COL27A1: variants seen among roughly 807,000 people sequenced by gnomAD.
The protein encoded by COL27A1 is collagen alpha-1(XXVII) chain.
Under a neutral mutation model 251.3 loss-of-function variants are expected in COL27A1, and 106 were observed. That is an observed-to-expected ratio of 0.42 (90% confidence interval 0.36 to 0.50). COL27A1 has a LOEUF of 0.50. Ranked by LOEUF, COL27A1 falls within the 20% of genes least tolerant of loss-of-function variation. COL27A1 has a pLI of 0.00. For synonymous variants in COL27A1, 1,000 were observed against 986.3 expected, an observed-to-expected ratio of 1.01 and a Z score of -0.26; for missense variants, 2,325 against 2,522.8, an observed-to-expected ratio of 0.92 and a Z score of 1.68.
chr9:114,231,505 A>T (rs1489915737), intron 15 of COL27A1, among the ~76,000 whole-genome samples: 3 of 152,110 alleles, frequency 2.0e-5, no homozygotes, highest in Admixed American at 1.3e-4. Context: ...GCAGGCCAAG[A>T]CTGCTAGAGC....
rs185350016 is a variant in COL27A1, at chr9:114,287,323, G to A, written c.3988-1132G>A. Among the ~76,000 whole-genome samples, 6 of 152,264 alleles carry A rather than the reference G, an allele frequency of 3.9e-5. No individual in the cohort carries two copies. In the East Asian group the frequency reaches 1.2e-3, roughly 29 times the overall value. ...CTCAGGGGTGCCTGGCTTGAGCCCT[G>A]TGCCCAGGGGAGTGACACCAGTTTC... is the stretch of plus-strand genomic sequence containing the variant. On this transcript the variant is annotated intron_variant, in intron 41 of 60. Transcript: ENST00000356083.
chr9:114,283,586 G>A (rs1836064281), intron 39 of COL27A1, 123 bp from the exon 40 acceptor site: 2 of 833,430 alleles, frequency 2.4e-6, no homozygotes, highest in Middle Eastern at 2.6e-4. Flanking sequence ...ACACACTTTG[G>A]TTATGGGCGG....
chr9:114,176,540 T>TGGGGG (rs34210707), intron 3 of COL27A1, among the ~76,000 whole-genome samples: 7 of 148,400 alleles, frequency 4.7e-5, no homozygotes, highest in South Asian at 2.3e-4. Flanking sequence ...AGTAGGTGGG[T>TGGGGG]GGGGGGGGGT....
intron 28 of COL27A1, among the ~76,000 whole-genome samples, chr9:114,261,401 G>C (rs184687183): frequency 1.3e-4 from 20 of 152,354 alleles, no homozygotes; most frequent in Admixed American, 5.2e-4. Context: ...TTCATTTAGG[G>C]AAGGAGGCAG....
chr9:114,245,535 G>A (rs1293411435), intron 23 of COL27A1, among the ~76,000 whole-genome samples: 1 of 152,148 alleles, frequency 6.6e-6, no homozygotes, highest in East Asian at 1.9e-4. Flanking sequence ...CCTCAGGCAG[G>A]TCACTTCACC....
At chr9:114,264,790 T>C in intron 29 of COL27A1, 134 bp from the exon 30 acceptor site, 1 of 948,820 alleles carries the variant, frequency 1.1e-6, no homozygotes. Flanking sequence ...AGTTTTCCCA[T>C]CTGCACCATG....
Position 114,242,696 on chromosome 9 carries a change from G to T in COL27A1, c.2880+465G>T, listed in dbSNP as rs190606657. Among the ~76,000 whole-genome samples, 442 of 152,280 alleles carry T rather than the reference G, an allele frequency of 2.9e-3. 1 individual carries two copies. The highest frequency in any genetic ancestry group is 4.8e-3 in the Non-Finnish European group (327 of 68,014). Reference sequence around the variant, plus strand: ...GCTCATGAAATTTCTGGTATCCAGAGCTTTTTACACTCTTGAAAATGATGG... The same window carrying T: ...GCTCATGAAATTTCTGGTATCCAGATCTTTTTACACTCTTGAAAATGATGG... On this transcript the variant is annotated intron_variant, in intron 22 of 60. Transcript: ENST00000356083.
At chr9:114,192,418 C>T (rs968414066) in intron 5 of COL27A1, among the ~76,000 whole-genome samples, 6 of 151,808 alleles carry the variant, frequency 4.0e-5, no homozygotes, top group South Asian at 2.1e-4. Flanking sequence ...GGAGGGTGTC[C>T]GGGAGGAGCA....
Position 114,258,391 on chromosome 9 carries a change from T to C in COL27A1, c.3142-150T>C, listed in dbSNP as rs537808915. 4.5e-6 allele frequency: 3 copies of C among 669,904 alleles called. No homozygotes were observed. The East Asian group carries it at 8.2e-5, about 18-fold the overall frequency. 41.5% of individuals were successfully genotyped at this position (669,904 alleles called of 1,614,324 possible). ...CCCAGTGAGCCAGGTGCCCAGTCCTTCCATGTGGAGGCTGCTGGGGCCCCG... is the reference window on the plus strand; with the variant it reads ...CCCAGTGAGCCAGGTGCCCAGTCCTCCCATGTGGAGGCTGCTGGGGCCCCG... On this transcript the variant is annotated intron_variant, in intron 27 of 60. Transcript: ENST00000356083.
chr9:114,189,527 C>T (rs969541613), intron 5 of COL27A1, among the ~76,000 whole-genome samples: 2 of 151,984 alleles, frequency 1.3e-5, no homozygotes, highest in Non-Finnish European at 1.5e-5. Flanking sequence ...CTTGAAAAAA[C>T]GCTTGGGATT....
chr9:114,253,240 T>C (rs141544953), intron 27 of COL27A1, among the ~76,000 whole-genome samples: 126 of 140,130 alleles, frequency 9.0e-4, no homozygotes, highest in Non-Finnish European at 1.4e-3. Context: ...GCCTGGGTGA[T>C]AGAGCTAGAC....
intron 7 of COL27A1, among the ~76,000 whole-genome samples, chr9:114,198,117 G>A (rs1401884092): frequency 6.6e-6 from 1 of 152,222 alleles, no homozygotes; most frequent in Non-Finnish European, 1.5e-5. Flanking sequence ...AAGAGGTGAG[G>A]TTAGCTTCCT....
Position 114,234,536 on chromosome 9 carries a change from G to A in COL27A1, c.2566-1063G>A, listed in dbSNP as rs554962485. On this transcript the variant is annotated intron_variant, in intron 16 of 60. Coordinates refer to ENST00000356083, the MANE Select transcript of COL27A1 (RefSeq NM_032888.4). ...ATAGAGTGAGGCCAGGGCTGTGTGA[G>A]GTGGTTTCGGCCCTAAGGGGAAGCA... 5.9e-5 allele frequency among the ~76,000 whole-genome samples: 9 copies of A among 152,222 alleles called. No individual in the cohort carries two copies. The South Asian group carries it at 1.9e-3, about 32-fold the overall frequency.
chr9:114,280,735 C>T (rs1347147540), intron 37 of COL27A1, among the ~76,000 whole-genome samples: 1 of 152,208 alleles, frequency 6.6e-6, no homozygotes, highest in African/African-American at 2.4e-5. Context: ...CTTCCCGGGC[C>T]ACTGTTCCTG....
intron 28 of COL27A1, among the ~76,000 whole-genome samples, chr9:114,260,554 G>C (rs1834247865): frequency 6.6e-6 from 1 of 152,188 alleles, no homozygotes; most frequent in East Asian, 1.9e-4. Flanking sequence ...ACGGGGAATG[G>C]GCCTGGAGGT....
chr9:114,273,794 A>T (rs1835310271), intron 36 of COL27A1: 2 of 152,200 alleles, frequency 1.3e-5, no homozygotes, highest in South Asian at 4.2e-4. Flanking sequence ...TGCTCTGCTC[A>T]CGGTGATGAG....
At position 114,258,577 on chromosome 9, in the gene COL27A1, G is replaced by C; in HGVS notation, c.3178G>C (p.Gly1060Arg). The C allele has an allele frequency of 1.9e-6, 3 of 1,614,104 alleles. No homozygotes were observed. The highest frequency in any genetic ancestry group is 1.3e-5 in the African/African-American group (1 of 75,056). ...ATCTCGAGGCCCACCAGGCATGAGG[G>C]GAGCAAAGGGACGTCGGGTAAGTCG... ...PGSRGPPGMR[G>R]AKGRRGPRGP... Residue 1060 changes from glycine (G) to arginine (R), a missense_variant, in exon 28 of 61, where the codon GGA becomes CGA. Physicochemically the swap from Gly to Arg is moderately radical, Grantham distance 125. Around this residue, in one of 4 missense-constraint regions of COL27A1, gnomAD observed 662 missense variants for 795.3 expected, o/e 0.83. Coordinates refer to ENST00000356083, the MANE Select transcript of COL27A1 (RefSeq NM_032888.4).
intron 58 of COL27A1, chr9:114,307,196 C>G: frequency 5.7e-6 from 1 of 175,038 alleles, no homozygotes; most frequent in Non-Finnish European, 1.2e-5. Context: ...TTGTTCCACT[C>G]TTGAGCTGCA....
chr9:114,304,549 T>C (rs1828891578), intron 56 of COL27A1, 59 bp from the exon 57 acceptor site: 2 of 1,535,306 alleles, frequency 1.3e-6, no homozygotes, highest in South Asian at 2.2e-5. Context: ...GGCTCCCACT[T>C]GATGGGTGTG....
Sources: allele counts gnomAD v4.1 joint callset (sites outside exome capture counted in the v4.1 genomes callset), GRCh38; gene constraint gnomAD v4.1.1; regional missense constraint gnomAD v4.1.1; transcripts MANE v1.5; gene names NCBI Gene and HGNC (gene_info 2026-07-23, HGNC 2026-07-21).